Variants in INSC observed in about 807,000 individuals in gnomAD.
The protein encoded by INSC is INSC spindle orientation adaptor protein, also known as protein inscuteable homolog.
A neutral mutation model predicts 58.6 loss-of-function variants in INSC; 67 were observed. The ratio of observed to expected loss-of-function variants is 1.14; its 90% CI spans 0.94 to 1.40. The LOEUF (loss-of-function observed/expected upper bound fraction) is 1.40, where lower values mean the gene tolerates loss of function less well. INSC is among the 40% of genes most tolerant of loss of function. The probability of loss-of-function intolerance (pLI) is 0.00; values close to 1 mark genes in which losing one functional copy is unlikely to be tolerated. For missense variants in INSC, 714 were observed against 692.0 expected (o/e 1.03, Z -0.36); for synonymous variants, 262 against 276.1 (o/e 0.95, Z 0.51).
At chr11:15,232,320 T>G (rs1023969086) in intron 9 of INSC, among the ~76,000 whole-genome samples, 1 of 152,200 alleles carries the variant, frequency 6.6e-6, no homozygotes, top group Non-Finnish European at 1.5e-5. Flanking sequence ...TTGAGTCCTT[T>G]CAGGTTCTCC....
chr11:15,252,449 G>A, the INSC span, among the ~76,000 whole-genome samples: 14 of 152,238 alleles, frequency 9.2e-5, no homozygotes, highest in Non-Finnish European at 1.9e-4. Flanking sequence ...AATAGGATTG[G>A]AGGATCTGCT....
At chr11:15,161,656 C>T (rs1849024133) in intron 2 of INSC, among the ~76,000 whole-genome samples, 1 of 152,176 alleles carries the variant, frequency 6.6e-6, no homozygotes, top group South Asian at 2.1e-4. Flanking sequence ...GCACCAAATG[C>T]TGGGGCAGGA....
At chr11:15,114,879 C>T, upstream of INSC, 3 of 812,864 alleles carry the variant, frequency 3.7e-6, no homozygotes, top group African/African-American at 9.8e-5. Flanking sequence ...GGGGGTGGGG[C>T]GGGGGCCAGG....
intron 12 of INSC, among the ~76,000 whole-genome samples, chr11:15,243,567 TGAG>T (rs1852440890): frequency 6.6e-6 from 1 of 152,146 alleles, no homozygotes; most frequent in African/African-American, 2.4e-5. Flanking sequence ...TGCTGCACAC[TGAG>T]GAGGGGGTGC....
At position 15,175,867 on chromosome 11, in the gene INSC, C is replaced by T. The variant is rs1362556245; in HGVS notation, c.183C>T (p.Asp61=). The change falls in exon 3 of 13, where the codon GAC becomes GAT. Residue 61 remains aspartate (D), a synonymous_variant. Transcript: ENST00000379556. ...GCCTGGAAGAGGATGCACAGGGTGA[C>T]CTCATCCTGGCAGGTGGCCCTGGCC... ...PISLEEDAQG[D]LILAGGPGPG... is the part of the protein sequence containing the mutation. The T allele has an allele frequency of 1.2e-6, 2 of 1,614,064 alleles. No homozygotes were observed. Among genetic ancestry groups the T allele is most frequent in the South Asian group, 1.1e-5 (1 of 91,080 alleles).
At chr11:15,216,957 G>A (rs760724063) in intron 7 of INSC, among the ~76,000 whole-genome samples, 1 of 152,166 alleles carries the variant, frequency 6.6e-6, no homozygotes, top group Non-Finnish European at 1.5e-5. Flanking sequence ...GTCCTCTGAA[G>A]TTGTTACTTT....
chr11:15,158,661 A>G (rs1422780357), intron 2 of INSC, among the ~76,000 whole-genome samples: 2 of 151,616 alleles, frequency 1.3e-5, no homozygotes, highest in African/African-American at 2.4e-5. Context: ...TAATGGCTCC[A>G]TTATTTACTC....
At chr11:15,239,221 G>C in intron 11 of INSC, 147 bp downstream of exon 11, 1 of 967,596 alleles carries the variant, frequency 1.0e-6, no homozygotes, top group Admixed American at 3.0e-5. Flanking sequence ...TGGAGGCTCA[G>C]GGGTGCAGCC....
At chr11:15,114,104 C>T (rs1847634817), upstream of INSC, among the ~76,000 whole-genome samples, 1 of 149,922 alleles carries the variant, frequency 6.7e-6, no homozygotes, top group Admixed American at 6.7e-5. Flanking sequence ...CTGGGAGCCT[C>T]ATAGCAAGAT....
intron 1 of INSC, among the ~76,000 whole-genome samples, chr11:15,131,230 T>A (rs2133704960): frequency 6.6e-6 from 1 of 152,210 alleles, no homozygotes; most frequent in African/African-American, 2.4e-5. Context: ...TATGTCTATT[T>A]TCATCATCAT....
intron 8 of INSC, among the ~76,000 whole-genome samples, chr11:15,224,151 T>C (rs183954635): frequency 6.6e-6 from 1 of 152,302 alleles, no homozygotes; most frequent in Admixed American, 6.5e-5. Flanking sequence ...AATGGGATTG[T>C]TGTAAGGATT....
intron 6 of INSC, among the ~76,000 whole-genome samples, chr11:15,199,863 C>CA (rs1850511944): frequency 6.6e-6 from 1 of 152,172 alleles, no homozygotes; most frequent in Non-Finnish European, 1.5e-5. Context: ...ATTCCTGCCA[C>CA]TCTAAATGCC....
chr11:15,255,125 TCTGAAACC>T, the INSC span, among the ~76,000 whole-genome samples: 1 of 152,170 alleles, frequency 6.6e-6, no homozygotes, highest in Non-Finnish European at 1.5e-5. Context: ...TCAAACACTT[TCTGAAACC>T]AAAACCCATG....
intron 1 of INSC, among the ~76,000 whole-genome samples, chr11:15,119,852 G>A (rs1346281270): frequency 3.3e-5 from 5 of 152,256 alleles, no homozygotes; most frequent in Non-Finnish European, 7.3e-5. Flanking sequence ...TTCCTCATCT[G>A]TAAAATGGGG....
At chr11:15,247,754 T>TATATATATATATATATA (rs1222085174), downstream of INSC, among the ~76,000 whole-genome samples, 4 of 149,662 alleles carry the variant, frequency 2.7e-5, no homozygotes, top group African/African-American at 9.8e-5. Flanking sequence ...TATATATATA[T>TATATATATATATATATA]ATTTCACTGA....
chr11:15,162,186 A>C (rs1044730267), intron 2 of INSC, among the ~76,000 whole-genome samples: 2 of 152,202 alleles, frequency 1.3e-5, no homozygotes, highest in Admixed American at 1.3e-4. Context: ...AATAAAACCC[A>C]AAGTGCTTAC....
intron 9 of INSC, among the ~76,000 whole-genome samples, chr11:15,230,466 G>T (rs1429658415): frequency 6.6e-6 from 1 of 152,048 alleles, no homozygotes; most frequent in Non-Finnish European, 1.5e-5. Context: ...CCATGAAGAT[G>T]GTGCTAAATC....
chr11:15,264,003 G>A, the INSC span, among the ~76,000 whole-genome samples: 2 of 151,464 alleles, frequency 1.3e-5, no homozygotes, highest in African/African-American at 4.9e-5. Flanking sequence ...CTACTGCTGC[G>A]TATCTCTGAC....
chr11:15,148,323 T>A (rs977405257), intron 1 of INSC, among the ~76,000 whole-genome samples: 1 of 152,220 alleles, frequency 6.6e-6, no homozygotes, highest in Admixed American at 6.5e-5. Flanking sequence ...ATTCAGTGGC[T>A]TAGTGATCAA....
Sources: allele counts gnomAD v4.1 joint callset (sites outside exome capture counted in the v4.1 genomes callset), GRCh38; gene constraint gnomAD v4.1.1; transcripts MANE v1.5; gene names NCBI Gene and HGNC (gene_info 2026-07-23, HGNC 2026-07-21).